SLCO6A1: variants seen among roughly 807,000 people sequenced by gnomAD.
SLCO6A1 encodes solute carrier organic anion transporter family member 6A1, also known as cancer/testis antigen 48.
SLCO6A1 carries 65 observed loss-of-function variants against 72.7 expected under a neutral mutation model. That is an observed-to-expected ratio of 0.89 (90% CI 0.73 to 1.10). SLCO6A1 has a LOEUF of 1.10. SLCO6A1 is among the 50% of genes least tolerant of loss of function. SLCO6A1 has a pLI of 0.00. For missense variants in SLCO6A1, 874 were observed against 872.6 expected, an observed-to-expected ratio of 1.00 and a Z score of -0.02; for synonymous variants, 314 against 298.2, an observed-to-expected ratio of 1.05 and a Z score of -0.55.
At chr5:102,490,913 T>C (rs1752645129) in intron 1 of SLCO6A1, among the ~76,000 whole-genome samples, 1 of 152,138 alleles carries the variant, frequency 6.6e-6, no homozygotes, top group South Asian at 2.1e-4. Flanking sequence ...GGAAGCGGAC[T>C]CAGGGGGTTG....
At chr5:102,431,935 ATT>A (rs1474175955) in intron 7 of SLCO6A1, among the ~76,000 whole-genome samples, 1 of 152,194 alleles carries the variant, frequency 6.6e-6, no homozygotes, top group Non-Finnish European at 1.5e-5. Flanking sequence ...ATGCAGATAT[ATT>A]TAGGATAGTT....
intron 7 of SLCO6A1, among the ~76,000 whole-genome samples, chr5:102,430,317 C>G (rs1053180161): frequency 6.6e-6 from 1 of 152,014 alleles, no homozygotes; most frequent in Non-Finnish European, 1.5e-5. Context: ...TCTGATTGTT[C>G]TGGGCTGGAC....
At chr5:102,476,969 G>T (rs1269830352) in intron 3 of SLCO6A1, among the ~76,000 whole-genome samples, 1 of 152,016 alleles carries the variant, frequency 6.6e-6, no homozygotes, top group Non-Finnish European at 1.5e-5. Flanking sequence ...CTGAGATATA[G>T]CCAGGATTAC....
At chr5:102,374,300 T>G (rs780395163) in intron 12 of SLCO6A1, among the ~76,000 whole-genome samples, 1 of 152,164 alleles carries the variant, frequency 6.6e-6, no homozygotes, top group Non-Finnish European at 1.5e-5. Context: ...GCCACCACCA[T>G]GCTTGGCCTA....
chr5:102,474,411 T>C lies in SLCO6A1; in HGVS notation c.899+1286A>G, dbSNP rs182033219. On this transcript the variant is annotated intron_variant, in intron 4 of 13. Transcript: ENST00000506729. ...AGTTGGAACCTTACCTTACACCATA[T>C]ACAAAAATTAACCCAAAATGGATTA... Among the ~76,000 whole-genome samples, 3 of 152,118 alleles carry C rather than the reference T, an allele frequency of 2.0e-5. No individual in the cohort carries two copies. The East Asian group carries it at 5.8e-4, about 29-fold the overall frequency.
intron 8 of SLCO6A1, among the ~76,000 whole-genome samples, chr5:102,415,298 C>A (rs1302217677): frequency 6.6e-6 from 1 of 152,090 alleles, no homozygotes; most frequent in Non-Finnish European, 1.5e-5. Context: ...CATTATCCAA[C>A]TTCAAATTAC....
intron 1 of SLCO6A1, among the ~76,000 whole-genome samples, chr5:102,490,405 A>G (rs1752619583): frequency 6.6e-6 from 1 of 152,236 alleles, no homozygotes; most frequent in African/African-American, 2.4e-5. Flanking sequence ...TAAAATAACT[A>G]TGATCAATAT....
chr5:102,477,913 C>A, intron 2 of SLCO6A1, 52 bp from the exon 3 acceptor site: 1 of 1,477,032 alleles, frequency 6.8e-7, no homozygotes. Context: ...AAACATAAAA[C>A]AAATGTGCAG....
chr5:102,403,157 T>C (rs142794314), intron 9 of SLCO6A1, among the ~76,000 whole-genome samples: 52 of 152,314 alleles, frequency 3.4e-4, no homozygotes, highest in Admixed American at 9.8e-4. Flanking sequence ...AATGATTATG[T>C]ACTATATTTC....
intron 12 of SLCO6A1, among the ~76,000 whole-genome samples, chr5:102,381,460 A>G (rs1746100900): frequency 6.6e-6 from 1 of 151,498 alleles, no homozygotes. Flanking sequence ...TCATATTTCC[A>G]TTGTCTATTT....
intron 4 of SLCO6A1, among the ~76,000 whole-genome samples, chr5:102,467,481 T>A (rs1751370119): frequency 6.6e-6 from 1 of 152,012 alleles, no homozygotes; most frequent in African/African-American, 2.4e-5. Flanking sequence ...TATAAAACCA[T>A]CAAATATCAT....
chr5:102,466,653 G>T (rs763558478), intron 4 of SLCO6A1, among the ~76,000 whole-genome samples: 1 of 151,904 alleles, frequency 6.6e-6, no homozygotes. Context: ...GTGTAAAAGA[G>T]TTCCTTTTCT....
chr5:102,418,857 T>A (rs568729841), intron 8 of SLCO6A1, among the ~76,000 whole-genome samples: 1 of 152,266 alleles, frequency 6.6e-6, no homozygotes, highest in Non-Finnish European at 1.5e-5. Context: ...CTGCTTGATT[T>A]TAGCCTCCTA....
At chr5:102,388,340 T>A (rs1325405582) in intron 12 of SLCO6A1, among the ~76,000 whole-genome samples, 1 of 152,042 alleles carries the variant, frequency 6.6e-6, no homozygotes, top group Non-Finnish European at 1.5e-5. Context: ...TTATTATTTT[T>A]TTATTTTTTG....
intron 7 of SLCO6A1, among the ~76,000 whole-genome samples, chr5:102,436,169 C>T (rs1487568292): frequency 6.6e-6 from 1 of 152,130 alleles, no homozygotes; most frequent in Non-Finnish European, 1.5e-5. Flanking sequence ...CTCAGGAGTA[C>T]CTAAAGCTCT....
intron 11 of SLCO6A1, among the ~76,000 whole-genome samples, chr5:102,389,452 A>ACCCCCCCC (rs1203152155): frequency 1.7e-5 from 1 of 58,056 alleles, no homozygotes; most frequent in African/African-American, 7.3e-5. Context: ...CCCGCCCCCC[A>ACCCCCCCC]CCCCCACACA....
intron 1 of SLCO6A1, among the ~76,000 whole-genome samples, chr5:102,485,622 G>A (rs191891611): frequency 5.3e-5 from 8 of 152,334 alleles, no homozygotes; most frequent in African/African-American, 1.7e-4. Flanking sequence ...GTTATTACAC[G>A]TGTTGGGAGA....
chr5:102,442,906 A>C (rs1749919584), intron 6 of SLCO6A1, among the ~76,000 whole-genome samples: 1 of 152,052 alleles, frequency 6.6e-6, no homozygotes. Context: ...TACTAAAAAT[A>C]CAAAAATTAG....
At chr5:102,382,709 TA>T (rs1746176274) in intron 12 of SLCO6A1, among the ~76,000 whole-genome samples, 1 of 151,502 alleles carries the variant, frequency 6.6e-6, no homozygotes, top group Non-Finnish European at 1.5e-5. Flanking sequence ...CCTCCTCAGT[TA>T]AATTTATTTC....
Sources: allele counts gnomAD v4.1 joint callset (sites outside exome capture counted in the v4.1 genomes callset), GRCh38; gene constraint gnomAD v4.1.1; transcripts MANE v1.5; gene names NCBI Gene and HGNC (gene_info 2026-07-23, HGNC 2026-07-21).